LMX1A: variants seen among roughly 807,000 people sequenced by gnomAD.
The protein encoded by LMX1A is LIM homeobox transcription factor 1-alpha.
In LMX1A, 15 loss-of-function variants were observed where a neutral mutation model predicts 49.1. The ratio of observed to expected loss-of-function variants is 0.31; its 90% CI spans 0.20 to 0.47. The LOEUF is 0.47. Among genes scored for constraint, LMX1A ranks in the 20% least tolerant of loss-of-function variants. LMX1A has a pLI of 1.00. For missense variants in LMX1A, 372 were observed against 475.8 expected (o/e 0.78, Z 2.03); for synonymous variants, 167 against 185.7 (o/e 0.90, Z 0.82).
At chr1:165,213,371 G>A (rs1651504024) in intron 5 of LMX1A, 1 of 370,498 alleles carries the variant, frequency 2.7e-6, no homozygotes, top group African/African-American at 2.1e-5. Flanking sequence ...CATTATTACT[G>A]TTCCCATTGT....
intron 3 of LMX1A, among the ~76,000 whole-genome samples, chr1:165,265,215 A>AG (rs1369320963): frequency 6.6e-6 from 1 of 151,778 alleles, no homozygotes. Context: ...AAAAAAAAAA[A>AG]AAAGAAAAAA....
intron 5 of LMX1A, chr1:165,212,974 A>G (rs1049553295): frequency 6.6e-6 from 1 of 152,292 alleles, no homozygotes; most frequent in Non-Finnish European, 1.5e-5. Flanking sequence ...GACTGGAAAC[A>G]TGGTGACAAC....
chr1:165,222,880 G>C (rs900292057), intron 4 of LMX1A, among the ~76,000 whole-genome samples: 1 of 152,132 alleles, frequency 6.6e-6, no homozygotes, highest in Non-Finnish European at 1.5e-5. Flanking sequence ...AGATAAAACA[G>C]GGTCAGATAC....
chr1:165,311,758 TC>T (rs1193175240), intron 3 of LMX1A, among the ~76,000 whole-genome samples: 1 of 152,220 alleles, frequency 6.6e-6, no homozygotes, highest in East Asian at 1.9e-4. Flanking sequence ...TTCAGGCTTC[TC>T]CTGCACAAAG....
intron 4 of LMX1A, among the ~76,000 whole-genome samples, chr1:165,229,471 G>C (rs987748437): frequency 6.6e-6 from 1 of 152,202 alleles, no homozygotes; most frequent in Admixed American, 6.5e-5. Context: ...GGCAGCACAA[G>C]AGCCCCGCAG....
At chr1:165,218,549 G>C (rs1001343838) in intron 4 of LMX1A, 1 of 152,358 alleles carries the variant, frequency 6.6e-6, no homozygotes, top group Non-Finnish European at 1.5e-5. Context: ...GAGTTTCCAA[G>C]CTGCTCTTGG....
At chr1:165,294,615 T>C (rs1308606902) in intron 3 of LMX1A, among the ~76,000 whole-genome samples, 1 of 152,242 alleles carries the variant, frequency 6.6e-6, no homozygotes, top group African/African-American at 2.4e-5. Context: ...TTTTTGACCC[T>C]TTAGCAGTTA....
Position 165,355,759 on chromosome 1 carries a change from G to T in LMX1A, c.-22-178C>A. 1 of 598,202 alleles carries T rather than the reference G, an allele frequency of 1.7e-6. No individual in the cohort carries two copies. The highest frequency in any genetic ancestry group is 3.0e-6 in the Non-Finnish European group (1 of 335,490). The allele number at this position is 598,202 out of a possible 1,614,324, so 37.1% of individuals were successfully genotyped here. A position where few individuals can be genotyped will look rare whatever the true frequency, so the allele number is the denominator to read the frequency against. On this transcript the variant is annotated intron_variant, in intron 1 of 8. Transcript: ENST00000342310. The surrounding 1 kb of genome is among the most constrained non-coding windows in gnomAD (Gnocchi z 4.7). The stretch of plus-strand genomic sequence containing the variant: ...GAGGAGAGATCAGTCACAGCGAACT[G>T]CTCTGGCTGATCTGATTTCACTTGA...
intron 8 of LMX1A, 67 bp downstream of exon 8, chr1:165,205,797 T>A: frequency 6.8e-7 from 1 of 1,470,388 alleles, no homozygotes; most frequent in Non-Finnish European, 9.4e-7. Context: ...TGCCTAGATG[T>A]GTTTAGGAGG....
At chr1:165,329,797 T>C (rs1426265064) in intron 3 of LMX1A, among the ~76,000 whole-genome samples, 2 of 152,152 alleles carry the variant, frequency 1.3e-5, no homozygotes, top group Non-Finnish European at 2.9e-5. Flanking sequence ...AAGTATAAAA[T>C]AATTTATAGA....
intron 4 of LMX1A, among the ~76,000 whole-genome samples, chr1:165,217,322 C>T (rs1164986771): frequency 6.6e-6 from 1 of 152,152 alleles, no homozygotes; most frequent in African/African-American, 2.4e-5. Context: ...TGTTGCTGTA[C>T]TCAGCCTTGC....
chr1:165,279,219 G>A (rs961705199), intron 3 of LMX1A, among the ~76,000 whole-genome samples: 14 of 152,178 alleles, frequency 9.2e-5, no homozygotes, highest in Non-Finnish European at 1.8e-4. Flanking sequence ...CTTTGCAGGG[G>A]CTCCTGTGGT....
chr1:165,235,651 GA>G (rs1652406516), intron 4 of LMX1A, among the ~76,000 whole-genome samples: 1 of 152,080 alleles, frequency 6.6e-6, no homozygotes, highest in Admixed American at 6.5e-5. Flanking sequence ...GACCCGGGAC[GA>G]CCTCGCCGCG....
At chr1:165,256,318 A>T (rs985573902) in intron 3 of LMX1A, among the ~76,000 whole-genome samples, 1 of 152,156 alleles carries the variant, frequency 6.6e-6, no homozygotes, top group Admixed American at 6.5e-5. Flanking sequence ...CAGAAAAGCC[A>T]CCACCTTTCC....
intron 3 of LMX1A, among the ~76,000 whole-genome samples, chr1:165,337,872 C>CTGTGTGTGTGTGTTTCTG: frequency 1.7e-5 from 1 of 58,346 alleles, no homozygotes; most frequent in Middle Eastern, 7.8e-3. Flanking sequence ...GTCTGTGCAT[C>CTGTGTGTGTGTGTTTCTG]TGTGTGTGTG....
intron 3 of LMX1A, among the ~76,000 whole-genome samples, chr1:165,287,480 G>A (rs1218277134): frequency 6.6e-6 from 1 of 152,146 alleles, no homozygotes; most frequent in Admixed American, 6.5e-5. Context: ...CTCAGGGTGA[G>A]TTACAACTGT....
At chr1:165,206,096 G>T in intron 7 of LMX1A, 62 bp from the exon 8 acceptor site, 1 of 1,410,092 alleles carries the variant, frequency 7.1e-7, no homozygotes, top group South Asian at 1.4e-5. Flanking sequence ...GATTTCCCTG[G>T]GTCCTGATTC....
chr1:165,336,784 T>C (rs569175662), intron 3 of LMX1A, among the ~76,000 whole-genome samples: 1 of 152,320 alleles, frequency 6.6e-6, no homozygotes, highest in Admixed American at 6.5e-5. Flanking sequence ...GCCTATCCTA[T>C]TCCAGGCATC....
intron 4 of LMX1A, among the ~76,000 whole-genome samples, chr1:165,231,198 G>A (rs986070953): frequency 5.3e-5 from 8 of 152,018 alleles, no homozygotes; most frequent in African/African-American, 1.9e-4. Context: ...AACTGCACAT[G>A]TAGAAAGTAT....
Sources: allele counts gnomAD v4.1 joint callset (sites outside exome capture counted in the v4.1 genomes callset), GRCh38; gene constraint gnomAD v4.1.1; non-coding constraint Gnocchi (gnomAD v3.1); transcripts MANE v1.5; gene names NCBI Gene and HGNC (gene_info 2026-07-23, HGNC 2026-07-21).